The following UNC13C variants were observed in gnomAD, a reference collection of about 807,000 sequenced individuals.
The protein encoded by UNC13C is protein unc-13 homolog C.
In UNC13C, 174 loss-of-function variants were observed where a neutral mutation model predicts 245.4. That is an observed-to-expected ratio of 0.71 (90% CI 0.63 to 0.80). UNC13C has a LOEUF of 0.80. UNC13C is among the 30% of genes least tolerant of loss of function. The pLI is 0.00. For missense variants in UNC13C, 2,829 were observed against 2,602.9 expected (o/e 1.09, Z -1.89); for synonymous variants, 992 against 895.1 (o/e 1.11, Z -1.93).
At chr15:54,389,968 A>G (rs1462286550) in intron 17 of UNC13C, among the ~76,000 whole-genome samples, 1 of 152,060 alleles carries the variant, frequency 6.6e-6, no homozygotes, top group African/African-American at 2.4e-5. Flanking sequence ...ACTTCAGGTA[A>G]TCCACCTACC....
chr15:54,116,722 A>T lies in UNC13C; in HGVS notation c.2984-26296A>T, dbSNP rs1005666520. 2.0e-4 allele frequency among the ~76,000 whole-genome samples: 30 copies of T among 152,338 alleles called. No individual in the cohort carries two copies. The East Asian group carries it at 5.6e-3, about 28-fold the overall frequency. The stretch of plus-strand genomic sequence containing the variant: ...ATTCCACATGTTGGCTATTGTAAAT[A>T]GTGCTGCGATAAACATGAGAATGCA... On this transcript the variant is annotated intron_variant, in intron 2 of 32. Transcript: ENST00000260323.
At chr15:54,512,187 T>A (rs866535371) in intron 24 of UNC13C, among the ~76,000 whole-genome samples, 5 of 152,160 alleles carry the variant, frequency 3.3e-5, no homozygotes, top group Non-Finnish European at 5.9e-5. Context: ...CAGCTTGATA[T>A]CAATGTTTAT....
chr15:54,442,133 TTC>T (rs1201389349), intron 19 of UNC13C, among the ~76,000 whole-genome samples: 1 of 152,056 alleles, frequency 6.6e-6, no homozygotes, highest in African/African-American at 2.4e-5. Context: ...ATTTGACTTA[TTC>T]TTTTTCCAAT....
At chr15:53,952,961 T>G in the UNC13C span, among the ~76,000 whole-genome samples, 1 of 152,206 alleles carries the variant, frequency 6.6e-6, no homozygotes, top group African/African-American at 2.4e-5. Context: ...TAAGATTTCT[T>G]CAGTGTCTTG....
chr15:54,062,762 G>T (rs1025924393), intron 2 of UNC13C, among the ~76,000 whole-genome samples: 2 of 152,164 alleles, frequency 1.3e-5, no homozygotes, highest in Admixed American at 6.5e-5. Context: ...GGAATCTGTT[G>T]TTCAATAAGC....
intron 31 of UNC13C, among the ~76,000 whole-genome samples, chr15:54,623,052 T>C (rs951128794): frequency 2.0e-5 from 3 of 152,176 alleles, no homozygotes; most frequent in African/African-American, 7.2e-5. Flanking sequence ...CAGTAGTATA[T>C]ACTGTCAATT....
At chr15:54,128,778 C>T (rs999638307) in intron 2 of UNC13C, among the ~76,000 whole-genome samples, 1 of 152,172 alleles carries the variant, frequency 6.6e-6, no homozygotes, top group African/African-American at 2.4e-5. Flanking sequence ...GGAGTTGAGA[C>T]TTCCCACTGA....
At chr15:53,893,744 G>A in the UNC13C span, among the ~76,000 whole-genome samples, 1 of 151,850 alleles carries the variant, frequency 6.6e-6, no homozygotes, top group East Asian at 1.9e-4. Flanking sequence ...CTGCTGCTGT[G>A]CTGGCAGCAA....
At chr15:54,585,127 T>G (rs1200103996) in intron 30 of UNC13C, among the ~76,000 whole-genome samples, 1 of 152,238 alleles carries the variant, frequency 6.6e-6, no homozygotes, top group Non-Finnish European at 1.5e-5. Context: ...GAGATGGTGA[T>G]ATAGTTTGAA....
chr15:54,001,200 G>C (rs768226097), intron 1 of UNC13C, among the ~76,000 whole-genome samples: 1 of 152,028 alleles, frequency 6.6e-6, no homozygotes, highest in Non-Finnish European at 1.5e-5. Flanking sequence ...AGACACCCTG[G>C]TACATTGCTT....
chr15:54,590,915 T>C (rs1358494054), intron 30 of UNC13C, among the ~76,000 whole-genome samples: 5 of 152,232 alleles, frequency 3.3e-5, no homozygotes, highest in Non-Finnish European at 7.4e-5. Context: ...TTCAGAATTA[T>C]GCTGGCTGTG....
intron 4 of UNC13C, among the ~76,000 whole-genome samples, chr15:54,152,633 G>T (rs1387025991): frequency 6.6e-6 from 1 of 152,170 alleles, no homozygotes; most frequent in Non-Finnish European, 1.5e-5. Context: ...CAGTCTTAAA[G>T]TGGTGCAAGT....
the UNC13C span, among the ~76,000 whole-genome samples, chr15:53,841,894 G>T: frequency 1.3e-5 from 2 of 152,146 alleles, no homozygotes; most frequent in Non-Finnish European, 1.5e-5. Flanking sequence ...TGCACAGAAG[G>T]TTACTACTTC....
chr15:53,859,674 T>C, the UNC13C span, among the ~76,000 whole-genome samples: 1 of 152,156 alleles, frequency 6.6e-6, no homozygotes, highest in South Asian at 2.1e-4. Context: ...TTTAATGCTA[T>C]GAACTTCCAA....
intron 4 of UNC13C, among the ~76,000 whole-genome samples, chr15:54,191,558 A>G (rs2034184019): frequency 6.6e-6 from 1 of 152,176 alleles, no homozygotes; most frequent in South Asian, 2.1e-4. Context: ...TCCTTTGGGT[A>G]TATACCCAGT....
At chr15:54,629,547 C>T (rs777981397), downstream of UNC13C, 12 of 152,036 alleles carry the variant, frequency 7.9e-5, no homozygotes, top group Non-Finnish European at 1.8e-4. Flanking sequence ...ATGTATCTAC[C>T]TATATATTGC....
intron 8 of UNC13C, among the ~76,000 whole-genome samples, chr15:54,253,650 G>C (rs1036239429): frequency 1.3e-5 from 2 of 152,198 alleles, no homozygotes; most frequent in African/African-American, 4.8e-5. Flanking sequence ...AAATGGAGGA[G>C]CAGGTTGTGA....
chr15:54,112,230 A>G, intron 2 of UNC13C, among the ~76,000 whole-genome samples: 1 of 152,154 alleles, frequency 6.6e-6, no homozygotes, highest in East Asian at 1.9e-4. Context: ...AAGGACATGA[A>G]CACTTGTGGA....
chr15:54,320,989 C>G, intron 13 of UNC13C: 1 of 422,156 alleles, frequency 2.4e-6, no homozygotes, highest in Non-Finnish European at 4.6e-6. Context: ...CCACTACCAC[C>G]ACAGCTGCCA....
Sources: gnomAD v4.1 joint callset for allele counts (sites outside exome capture counted in the v4.1 genomes callset) on GRCh38, gnomAD v4.1.1 for gene constraint, MANE v1.5 for transcripts, NCBI Gene and HGNC (gene_info 2026-07-23, HGNC 2026-07-21) for gene names.